The following ECPAS variants were observed in gnomAD, a reference collection of about 807,000 sequenced individuals.
The protein encoded by ECPAS is Ecm29 proteasome adaptor and scaffold, also known as proteasome adapter and scaffold protein ECM29.
Under a neutral mutation model 255.1 loss-of-function variants are expected in ECPAS, and 70 were observed. The observed-to-expected ratio is 0.27, with a 90% CI of 0.23 to 0.33. ECPAS has a LOEUF of 0.33. Ranked by LOEUF, ECPAS falls within the 10% of genes least tolerant of loss-of-function variation. The pLI is 1.00. For synonymous variants in ECPAS, 784 were observed against 775.0 expected (o/e 1.01, Z -0.19); for missense variants, 1,817 against 2,206.4 (o/e 0.82, Z 3.54).
At chr9:111,427,109 A>G (rs925291227) in intron 10 of ECPAS, among the ~76,000 whole-genome samples, 2 of 151,566 alleles carry the variant, frequency 1.3e-5, no homozygotes, top group African/African-American at 4.8e-5. Context: ...GAGTGAGACA[A>G]GATTGTGCCA....
intron 9 of ECPAS, 79 bp downstream of exon 9, chr9:111,430,468 G>A: frequency 3.4e-6 from 3 of 876,136 alleles, no homozygotes; most frequent in Non-Finnish European, 3.7e-6. Context: ...AATGAAACTA[G>A]AAGAAAATGT....
intron 20 of ECPAS, among the ~76,000 whole-genome samples, chr9:111,413,195 T>C (rs146151737): frequency 1.2e-4 from 18 of 152,288 alleles, no homozygotes; most frequent in Admixed American, 3.9e-4. Context: ...ATCTAAAACA[T>C]ATACTTCCTC....
chr9:111,404,942 T>G (rs1288795216), intron 24 of ECPAS, among the ~76,000 whole-genome samples: 1 of 148,762 alleles, frequency 6.7e-6, no homozygotes, highest in Non-Finnish European at 1.5e-5. Flanking sequence ...ACATAGCCCA[T>G]GTTCATGGAT....
chr9:111,425,541 G>C (rs772701946), intron 11 of ECPAS, 45 bp from the exon 12 acceptor site: 2 of 1,321,264 alleles, frequency 1.5e-6, no homozygotes, highest in South Asian at 2.7e-5. Context: ...AGAATCTCAT[G>C]ACTACATATC....
intron 2 of ECPAS, among the ~76,000 whole-genome samples, chr9:111,470,691 T>C (rs933992227): frequency 6.8e-6 from 1 of 147,916 alleles, no homozygotes; most frequent in Non-Finnish European, 1.5e-5. Context: ...CCTGATCATA[T>C]TGCTTACCAC....
chr9:111,425,740 T>C lies in ECPAS; in HGVS notation c.1136+3A>G. On this transcript the variant is annotated splice_donor_region_variant and intron_variant, in intron 11 of 49. Coordinates refer to ENST00000684092, the MANE Select transcript of ECPAS (RefSeq NM_001364929.1). ...TTTATAGTTAAAATAGTTAAAGACT[T>C]ACGTTATACAAATATGATGCACAAA... 6.6e-7 allele frequency: 1 copy of C among 1,514,234 alleles called. No homozygotes were observed. Among genetic ancestry groups the C allele is most frequent in the Non-Finnish European group, 9.1e-7 (1 of 1,094,720 alleles). The allele number at this position is 1,514,234 out of a possible 1,614,324, so 93.8% of individuals were successfully genotyped here. A position where few individuals can be genotyped will look rare whatever the true frequency, so the allele number is the denominator to read the frequency against.
At chr9:111,417,551 G>A (rs1314318041) in intron 17 of ECPAS, among the ~76,000 whole-genome samples, 3 of 152,074 alleles carry the variant, frequency 2.0e-5, no homozygotes, top group Non-Finnish European at 2.9e-5. Flanking sequence ...TTCAAGACCA[G>A]CCTGGCCAAC....
At chr9:111,441,353 A>C (rs2098245762) in intron 5 of ECPAS, among the ~76,000 whole-genome samples, 1 of 151,850 alleles carries the variant, frequency 6.6e-6, no homozygotes, top group Non-Finnish European at 1.5e-5. Context: ...AAAATACAAA[A>C]AGTTTGCCGG....
At chr9:111,371,510 G>T in intron 43 of ECPAS, 111 bp downstream of exon 43, 1 of 1,026,084 alleles carries the variant, frequency 9.7e-7, no homozygotes, top group Non-Finnish European at 1.5e-6. Flanking sequence ...AGGAAATCTA[G>T]TTCACAAAAA....
intron 2 of ECPAS, among the ~76,000 whole-genome samples, chr9:111,468,752 A>G (rs2098282622): frequency 1.3e-5 from 2 of 149,658 alleles, no homozygotes; most frequent in Admixed American, 6.9e-5. Flanking sequence ...CCCAGAAACT[A>G]AGAAAAGAAT....
At chr9:111,365,358 G>GA (rs1018995036) in intron 48 of ECPAS, among the ~76,000 whole-genome samples, 4 of 151,690 alleles carry the variant, frequency 2.6e-5, no homozygotes, top group Admixed American at 6.6e-5. Context: ...AGGGGAGGGG[G>GA]AAAAAATCCT....
In ECPAS at chr9:111,451,502, A is replaced by G; in HGVS notation, c.76T>C (p.Leu26=). ...RLGHAETDEQ[L]QNIISKFLPP... ...AGGAATTTAGATATAATATTCTGTAATTGTTCATCTGTTTCAGCATGGCCA... is the reference window on the plus strand; with the variant it reads ...AGGAATTTAGATATAATATTCTGTAGTTGTTCATCTGTTTCAGCATGGCCA... The change falls in exon 3 of 50, where the codon TTA becomes CTA. Residue 26 remains leucine, a synonymous_variant. Transcript: ENST00000684092. 1.3e-6 allele frequency: 2 copies of G among 1,576,020 alleles called. No homozygotes were observed. Among genetic ancestry groups the G allele is most frequent in the Non-Finnish European group, 1.7e-6 (2 of 1,160,018 alleles).
chr9:111,403,191 G>GAAA lies in ECPAS; in HGVS notation c.2652+5377_2652+5379dup, dbSNP rs34002065. On this transcript the variant is annotated intron_variant, in intron 24 of 49. Transcript: ENST00000684092. Reference sequence around the variant, plus strand: ...AACATGGCAAAACCCCATCTCTACTGAAAAAAAAAAAAAAAAAAATTAGCT... The same window carrying GAAA: ...AACATGGCAAAACCCCATCTCTACTGAAAAAAAAAAAAAAAAAAAAAATTAGCT... 3.1e-3 allele frequency among the ~76,000 whole-genome samples: 369 copies of GAAA among 120,844 alleles called. 1 individual carries two copies. Among genetic ancestry groups the GAAA allele is most frequent in the African/African-American group, 5.9e-3 (195 of 33,134 alleles). 79.3% of individuals were successfully genotyped at this position (120,844 alleles called of 152,430 possible).
rs184400547 is a variant in ECPAS, at chr9:111,368,041, A to C, written c.5113+994T>G. Among the ~76,000 whole-genome samples the C allele has an allele frequency of 3.7e-4, 55 of 149,718 alleles. No homozygotes were observed. The East Asian group carries it at 5.6e-3, about 15-fold the overall frequency. On this transcript the variant is annotated intron_variant, in intron 46 of 49. Transcript: ENST00000684092. ...CAAAGCAAGACCCTGTCTCAAAAAA[A>C]AAACAAACAAAAAAAAAACGAATAC...
intron 2 of ECPAS, among the ~76,000 whole-genome samples, chr9:111,465,901 G>A (rs1423390879): frequency 1.3e-5 from 2 of 151,864 alleles, no homozygotes; most frequent in Non-Finnish European, 2.9e-5. Flanking sequence ...AGGCATGGTG[G>A]TGCGTCCCTG....
chr9:111,432,753 A>T (rs948632277), intron 8 of ECPAS, among the ~76,000 whole-genome samples: 1 of 152,192 alleles, frequency 6.6e-6, no homozygotes, highest in African/African-American at 2.4e-5. Flanking sequence ...TATTTCTTAT[A>T]CAGAATATTT....
At chr9:111,452,145 C>A (rs1418421284) in intron 2 of ECPAS, among the ~76,000 whole-genome samples, 1 of 152,148 alleles carries the variant, frequency 6.6e-6, no homozygotes, top group Admixed American at 6.5e-5. Flanking sequence ...CAGTACACTG[C>A]AGCGGCAAGC....
At chr9:111,438,441 AC>A (rs202161125) in intron 6 of ECPAS, among the ~76,000 whole-genome samples, 9,617 of 152,000 alleles carry the variant, frequency 0.063, 438 homozygotes, top group East Asian at 0.19. Context: ...CCCTATCTCT[AC>A]AAAAAATACA....
intron 22 of ECPAS, 62 bp downstream of exon 22, chr9:111,410,918 T>C (rs1185501554): frequency 6.8e-7 from 1 of 1,475,560 alleles, no homozygotes; most frequent in Non-Finnish European, 9.3e-7. Context: ...TGAAACGCCA[T>C]ATTAAAATTT....
Sources: allele counts gnomAD v4.1 joint callset (sites outside exome capture counted in the v4.1 genomes callset), GRCh38; gene constraint gnomAD v4.1.1; transcripts MANE v1.5; gene names NCBI Gene and HGNC (gene_info 2026-07-23, HGNC 2026-07-21).